CNTNAP1: variants seen among roughly 807,000 people sequenced by gnomAD.
CNTNAP1 encodes the protein contactin associated protein 1.
CNTNAP1 carries 80 observed loss-of-function variants against 161.5 expected under a neutral mutation model. The ratio of observed to expected loss-of-function variants is 0.50; its 90% CI spans 0.41 to 0.60. The LOEUF is 0.60. Ranked by LOEUF, CNTNAP1 falls within the 20% of genes least tolerant of loss-of-function variation. The pLI is 0.00. For missense variants in CNTNAP1, 1,464 were observed against 1,854.8 expected, an observed-to-expected ratio of 0.79 and a Z score of 3.87; for synonymous variants, 695 against 733.1, an observed-to-expected ratio of 0.95 and a Z score of 0.84.
Position 42,691,946 on chromosome 17 carries a change from C to T in CNTNAP1, c.2485C>T (p.Pro829Ser). ...SGVFLENMGG[P>S]YCQWRRPYVR... ...GGTCTTCCTAGAGAATATGGGGGGC[C>T]CTTACTGCCAGTGGCGCCGACCTTA... The change falls in exon 16 of 24, where the codon CCT becomes TCT. Residue 829 changes from proline to serine, a missense_variant. Physicochemically the swap from Pro to Ser is moderately conservative, Grantham distance 74. Coordinates refer to ENST00000264638, the MANE Select transcript of CNTNAP1 (RefSeq NM_003632.3). This position sits in a 1 kb window ranked among gnomAD's most constrained non-coding sequence, Gnocchi z 4.3. 1 of 1,614,070 alleles carries T rather than the reference C, an allele frequency of 6.2e-7. No individual in the cohort carries two copies. The highest frequency in any genetic ancestry group is 8.5e-7 in the Non-Finnish European group (1 of 1,180,000).
In CNTNAP1 at chr17:42,687,522, G is replaced by C; in HGVS notation, c.1045-198G>C. On this transcript the variant is annotated intron_variant, in intron 7 of 23. Transcript: ENST00000264638. This position sits in a 1 kb window ranked among gnomAD's most constrained non-coding sequence, Gnocchi z 4.7. ...AGCGAGAGCAAGCGAGCAGAGTTCCGAGGGCCGACTGGGTTGGGGCCCCCT... is the reference window on the plus strand; with the variant it reads ...AGCGAGAGCAAGCGAGCAGAGTTCCCAGGGCCGACTGGGTTGGGGCCCCCT... 4.7e-6 allele frequency: 3 copies of C among 644,546 alleles called. No individual in the cohort carries two copies. The South Asian group carries it at 5.9e-5, about 13-fold the overall frequency. The allele number at this position is 644,546 out of a possible 1,614,324, so 39.9% of individuals were successfully genotyped here.
At chr17:42,689,403 G>C in intron 10 of CNTNAP1, 118 bp from the exon 11 acceptor site, 1 of 760,750 alleles carries the variant, frequency 1.3e-6, no homozygotes, top group Non-Finnish European at 2.2e-6. Context: ...TGGCTAGGCG[G>C]GGTGTGTCTC....
At chr17:42,689,278 T>C (rs2053055972) in intron 10 of CNTNAP1, among the ~76,000 whole-genome samples, 1 of 151,940 alleles carries the variant, frequency 6.6e-6, no homozygotes, top group African/African-American at 2.4e-5. Flanking sequence ...TTTTTTGTGC[T>C]AGGGGGATGA....
At chr17:42,683,612 T>A in intron 1 of CNTNAP1, 1 of 1,418,708 alleles carries the variant, frequency 7.0e-7, no homozygotes, top group Non-Finnish European at 9.2e-7. Flanking sequence ...AGCCTAGGGG[T>A]TTGCCTAGAA....
intron 6 of CNTNAP1, among the ~76,000 whole-genome samples, chr17:42,686,479 T>TTTTTTTTTTTTTC (rs2053014953): frequency 8.5e-6 from 1 of 118,274 alleles, no homozygotes; most frequent in Non-Finnish European, 1.5e-5. Flanking sequence ...GTTTTTTTTT[T>TTTTTTTTTTTTTC]TTTTTTTTTT....
In CNTNAP1 at chr17:42,697,720, G is replaced by A. The variant is rs758391190; in HGVS notation, c.3735G>A (p.Leu1245=). The A allele has an allele frequency of 1.2e-5, 19 of 1,614,084 alleles. No homozygotes were observed. The highest frequency in any genetic ancestry group is 1.4e-5 in the Non-Finnish European group (17 of 1,180,054). Residue 1245 remains leucine, a synonymous_variant, in exon 22 of 24, where the codon CTG becomes CTA. Coordinates refer to ENST00000264638, the MANE Select transcript of CNTNAP1 (RefSeq NM_003632.3). The part of the protein sequence containing the change: ...LAEALRVQGE[L]SESNCGAMPR... ...AGGCCCTTCGAGTTCAGGGAGAACT[G>A]TCCGAATCTAATTGCGGAGCTATGC...
Position 42,685,501 on chromosome 17 carries a change from A to G in CNTNAP1, c.715+81A>G, listed in dbSNP as rs60104774. ...CCTCCTCGTGGCACCTCCTCCGCGC[A>G]TCCGCGCTCAGCCTGGTCTTCCACT... On this transcript the variant is annotated intron_variant, in intron 5 of 23. Coordinates refer to ENST00000264638, the MANE Select transcript of CNTNAP1 (RefSeq NM_003632.3). The surrounding 1 kb of genome is among the most constrained non-coding windows in gnomAD (Gnocchi z 5.0). 2,505 of 1,333,116 alleles carry G rather than the reference A, an allele frequency of 1.9e-3. 53 individuals are homozygous for G. The African/African-American group carries it at 0.032, about 17-fold the overall frequency. 82.6% of individuals were successfully genotyped at this position (1,333,116 alleles called of 1,614,324 possible). A position where few individuals can be genotyped will look rare whatever the true frequency, so the allele number is the denominator to read the frequency against.
Position 42,699,223 on chromosome 17 carries a change from C to T in CNTNAP1, c.*313C>T. The T allele has an allele frequency of 6.4e-6, 2 of 310,968 alleles. No individual in the cohort carries two copies. Among genetic ancestry groups the T allele is most frequent in the African/African-American group, 2.1e-5 (1 of 46,664 alleles). 19.3% of individuals were successfully genotyped at this position (310,968 alleles called of 1,614,324 possible). A position where few individuals can be genotyped will look rare whatever the true frequency, so the allele number is the denominator to read the frequency against. On this transcript the variant is annotated 3_prime_UTR_variant, in exon 24 of 24. Transcript: ENST00000264638. ...CTGCCATCTCTGTTCCAGCTGCTGT[C>T]AGGGATTAACAACAGAGTGTAGGGG...
At position 42,685,968 on chromosome 17, in the gene CNTNAP1, A is replaced by G. The variant is rs1192417814; in HGVS notation, c.727A>G (p.Ile243Val). The G allele has an allele frequency of 6.8e-6, 11 of 1,613,950 alleles. No homozygotes were observed. The highest frequency in any genetic ancestry group is 5.3e-5 in the African/African-American group (4 of 74,884). ...TGCCCCACCCTCAGGCAGCAGCCCT[A>G]TCCAGCCAAGACCAGGTCACACCAC... The part of the protein sequence containing the change: ...LLHMSLGSSP[I>V]QPRPGHTTVS... Residue 243 changes from isoleucine to valine, a missense_variant, in exon 6 of 24, where the codon ATC becomes GTC. Physicochemically the swap from Ile to Val is conservative, Grantham distance 29. Around this residue, in one of 3 missense-constraint regions of CNTNAP1, gnomAD observed 1,383 missense variants for 1,765.0 expected, o/e 0.78. Transcript: ENST00000264638. This position sits in a 1 kb window ranked among gnomAD's most constrained non-coding sequence, Gnocchi z 5.0.
Position 42,695,715 on chromosome 17 carries a change from C to A in CNTNAP1, c.3187C>A (p.Pro1063Thr), listed in dbSNP as rs1379993768. ...HGPGYRLPDY[P>T]RPGRPVPGYR... Reference sequence around the variant, plus strand: ...CCCCGGGTACCGCCTGCCCGACTACCCCCGGCCTGGTCGGCCTGTGCCCGG... The same window carrying A: ...CCCCGGGTACCGCCTGCCCGACTACACCCGGCCTGGTCGGCCTGTGCCCGG... The change falls in exon 19 of 24, where the codon CCC becomes ACC. Residue 1063 changes from proline (P) to threonine (T), a missense_variant. Transcript: ENST00000264638. The A allele has an allele frequency of 6.2e-7, 1 of 1,614,212 alleles. No homozygotes were observed. Among genetic ancestry groups the A allele is most frequent in the South Asian group, 1.1e-5 (1 of 91,090 alleles).
chr17:42,685,164 G>T lies in CNTNAP1; in HGVS notation c.511+26G>T. ...GTAAGTGTGCAGAGAGCGCGGAGGG[G>T]GCCTGGGAGACAGCCTCCCCAGTTC... is the stretch of plus-strand genomic sequence containing the variant. On this transcript the variant is annotated intron_variant, in intron 4 of 23. Coordinates refer to ENST00000264638, the MANE Select transcript of CNTNAP1 (RefSeq NM_003632.3). This position sits in a 1 kb window ranked among gnomAD's most constrained non-coding sequence, Gnocchi z 5.0. The T allele has an allele frequency of 6.2e-7, 1 of 1,609,044 alleles. No homozygotes were observed. The highest frequency in any genetic ancestry group is 1.7e-5 in the Admixed American group (1 of 59,922).
At chr17:42,684,368 T>G in intron 3 of CNTNAP1, 139 bp downstream of exon 3, 1 of 771,302 alleles carries the variant, frequency 1.3e-6, no homozygotes, top group South Asian at 1.7e-5. Flanking sequence ...CCAGGGACTC[T>G]GTCCAGAGGG....
At position 42,695,765 on chromosome 17, in the gene CNTNAP1, T is replaced by C. The variant is rs1597811285; in HGVS notation, c.3237T>C (p.Val1079=). The C allele has an allele frequency of 1.2e-6, 2 of 1,614,222 alleles. No homozygotes were observed. Among genetic ancestry groups the C allele is most frequent in the Non-Finnish European group, 1.7e-6 (2 of 1,180,044 alleles). Residue 1079 remains valine, a synonymous_variant, in exon 19 of 24, where the codon GTT becomes GTC. Transcript: ENST00000264638. ...GTTACCGTGGGCCTGTCTACAACGT[T>C]ACGGGAGAGGAGGTCTCCTTCAGCT... ...VPGYRGPVYN[V]TGEEVSFSFS...
chr17:42,695,534 CTT>C lies in CNTNAP1; in HGVS notation c.3008_3009del (p.Phe1003Ter). 6.2e-7 allele frequency: 1 copy of C among 1,603,120 alleles called. No individual in the cohort carries two copies. Among genetic ancestry groups the C allele is most frequent in the Non-Finnish European group, 8.5e-7 (1 of 1,172,312 alleles). ...TTCTACCTGCAGATATTGGTGGTTT[CTT>C]TGAGCCGGGCACCTGGATGCGCTAT... is the stretch of plus-strand genomic sequence containing the variant. ...PYCNHDIGGF[F>X]EPGTWMRYNL... On this transcript the variant is annotated frameshift_variant, in exon 19 of 24. Coordinates refer to ENST00000264638, the MANE Select transcript of CNTNAP1 (RefSeq NM_003632.3). LOFTEE classifies it high-confidence loss of function.
At position 42,685,053 on chromosome 17, in the gene CNTNAP1, T is replaced by C; in HGVS notation, c.426T>C (p.Thr142=). The C allele has an allele frequency of 1.9e-6, 3 of 1,588,388 alleles. No individual in the cohort carries two copies. The highest frequency in any genetic ancestry group is 2.6e-6 in the Non-Finnish European group (3 of 1,169,476). The stretch of plus-strand genomic sequence containing the variant: ...GCCATGACCTGCACTTCCACTTCAC[T>C]GCGCGCTACATCCGCATCGTGCCCC... ...VVRHDLHFHF[T]ARYIRIVPLA... is the part of the protein sequence containing the mutation. The change falls in exon 4 of 24, where the codon ACT becomes ACC. Residue 142 remains threonine (T), a synonymous_variant. Transcript: ENST00000264638. The surrounding 1 kb of genome is among the most constrained non-coding windows in gnomAD (Gnocchi z 5.0).
At chr17:42,683,794 G>A in intron 1 of CNTNAP1, 27 bp from the exon 2 acceptor site, 1 of 1,555,432 alleles carries the variant, frequency 6.4e-7, no homozygotes, top group Non-Finnish European at 8.7e-7. Flanking sequence ...GGCCAGCGCT[G>A]ACTAACAGTC....
In CNTNAP1 at chr17:42,686,836, G is replaced by A. The variant is rs1285409407; in HGVS notation, c.901-67G>A. Reference sequence around the variant, plus strand: ...TCTGGCATTTGGGAAAGCATACGGCGGGGACGCGCGAGAAAGGCAGGCGCC... The same window carrying A: ...TCTGGCATTTGGGAAAGCATACGGCAGGGACGCGCGAGAAAGGCAGGCGCC... On this transcript the variant is annotated intron_variant, in intron 6 of 23. Transcript: ENST00000264638. The A allele has an allele frequency of 2.0e-6, 3 of 1,512,014 alleles. No individual in the cohort carries two copies. In the African/African-American group the frequency reaches 4.2e-5, roughly 21 times the overall value. 93.7% of individuals were successfully genotyped at this position (1,512,014 alleles called of 1,614,324 possible).
Position 42,689,595 on chromosome 17 carries a change from T to A in CNTNAP1, c.1703T>A (p.Leu568Gln), listed in dbSNP as rs749050042. 1.9e-6 allele frequency: 3 copies of A among 1,613,808 alleles called. No individual in the cohort carries two copies. The highest frequency in any genetic ancestry group is 2.7e-5 in the African/African-American group (2 of 74,886). Residue 568 changes from leucine to glutamine, a missense_variant, in exon 11 of 24, where the codon CTG (leucine) becomes CAG (glutamine). Physicochemically the swap from Leu to Gln is moderately radical, Grantham distance 113. Coordinates refer to ENST00000264638, the MANE Select transcript of CNTNAP1 (RefSeq NM_003632.3). ...SWDDFICYCE[L>Q]TGYKGETCHT... ...GATGACTTCATTTGCTACTGCGAAC[T>A]GACGGGCTACAAGGGAGAGACCTGC...
In CNTNAP1 at chr17:42,685,979, A is replaced by C. The variant is rs2053000554; in HGVS notation, c.738A>C (p.Arg246Ser). ...MSLGSSPIQP[R>S]PGHTTVSAGG... is the part of the protein sequence containing the mutation. Reference sequence around the variant, plus strand: ...CAGGCAGCAGCCCTATCCAGCCAAGACCAGGTCACACCACCGTGAGCGCAG... The same window carrying C: ...CAGGCAGCAGCCCTATCCAGCCAAGCCCAGGTCACACCACCGTGAGCGCAG... Residue 246 changes from arginine to serine, a missense_variant, in exon 6 of 24, where the codon AGA (arginine) becomes AGC (serine). Physicochemically the swap from Arg to Ser is moderately radical, Grantham distance 110. Coordinates refer to ENST00000264638, the MANE Select transcript of CNTNAP1 (RefSeq NM_003632.3). This position sits in a 1 kb window ranked among gnomAD's most constrained non-coding sequence, Gnocchi z 5.0. 6.2e-7 allele frequency: 1 copy of C among 1,614,124 alleles called. No individual in the cohort carries two copies. Among genetic ancestry groups the C allele is most frequent in the Non-Finnish European group, 8.5e-7 (1 of 1,180,008 alleles).
Sources: gnomAD v4.1 joint callset for allele counts (sites outside exome capture counted in the v4.1 genomes callset) on GRCh38, gnomAD v4.1.1 for gene constraint, gnomAD v4.1.1 regional missense constraint, Gnocchi (gnomAD v3.1) non-coding constraint, MANE v1.5 for transcripts, NCBI Gene and HGNC (gene_info 2026-07-23, HGNC 2026-07-21) for gene names.